The following RAB38 variants were observed in gnomAD, a reference collection of about 807,000 sequenced individuals.
The protein encoded by RAB38 is ras-related protein Rab-38.
RAB38 carries 15 observed loss-of-function variants against 18.4 expected under a neutral mutation model. The ratio of observed to expected loss-of-function variants is 0.82; its 90% confidence interval spans 0.55 to 1.26. RAB38 has a LOEUF of 1.26. Among genes scored for constraint, RAB38 ranks in the 50% most tolerant of loss-of-function variants. RAB38 has a pLI of 0.00. For synonymous variants in RAB38, 101 were observed against 104.4 expected, an observed-to-expected ratio of 0.97 and a Z score of 0.20; for missense variants, 294 against 267.4, an observed-to-expected ratio of 1.10 and a Z score of -0.69.
the RAB38 span, among the ~76,000 whole-genome samples, chr11:87,884,155 A>T: frequency 6.6e-6 from 1 of 151,980 alleles, no homozygotes; most frequent in Non-Finnish European, 1.5e-5. Flanking sequence ...TCTTTAGATT[A>T]GATACCTGTA....
chr11:87,840,233 G>A, the RAB38 span, among the ~76,000 whole-genome samples: 3 of 152,152 alleles, frequency 2.0e-5, no homozygotes, highest in African/African-American at 7.2e-5. Context: ...ACTGCCAGAT[G>A]GCTTACTGAA....
chr11:88,036,421 T>A, the RAB38 span, among the ~76,000 whole-genome samples: 4 of 152,194 alleles, frequency 2.6e-5, no homozygotes, highest in East Asian at 7.7e-4. Context: ...CTAACAAAAA[T>A]TCAAATACAA....
the RAB38 span, among the ~76,000 whole-genome samples, chr11:87,946,376 G>C: frequency 6.6e-6 from 1 of 152,158 alleles, no homozygotes; most frequent in East Asian, 1.9e-4. Flanking sequence ...GAGGCTCTAT[G>C]AGAGCCTCTA....
the RAB38 span, among the ~76,000 whole-genome samples, chr11:88,076,626 A>C: frequency 6.6e-6 from 1 of 152,138 alleles, no homozygotes; most frequent in East Asian, 1.9e-4. Flanking sequence ...CAATATTTTT[A>C]AAAGCAAGAA....
intron 2 of RAB38, among the ~76,000 whole-genome samples, chr11:88,149,323 C>T (rs889900102): frequency 2.6e-5 from 4 of 152,174 alleles, no homozygotes; most frequent in African/African-American, 9.7e-5. Flanking sequence ...AAGGCCTTTA[C>T]TATAAAACCA....
rs556083630 is a variant in RAB38, at chr11:88,137,779, A to G, written c.483+11896T>C. Among the ~76,000 whole-genome samples, 9 of 152,330 alleles carry G rather than the reference A, an allele frequency of 5.9e-5. No homozygotes were observed. The South Asian group carries it at 1.5e-3, about 25-fold the overall frequency. On this transcript the variant is annotated intron_variant, in intron 2 of 2. Transcript: ENST00000243662. ...GACTTTCAGATTACCAGGGGTAAAG[A>G]GATGATTCTAAAAACTACCAGACAA...
the RAB38 span, among the ~76,000 whole-genome samples, chr11:87,947,715 T>TC: frequency 6.6e-6 from 1 of 152,124 alleles, no homozygotes; most frequent in Non-Finnish European, 1.5e-5. Flanking sequence ...GTGGTATTAT[T>TC]TGAGGGCTCT....
intron 2 of RAB38, among the ~76,000 whole-genome samples, chr11:88,118,630 G>C (rs913133058): frequency 5.9e-5 from 9 of 152,138 alleles, no homozygotes; most frequent in Non-Finnish European, 2.9e-5. Context: ...GAAAGGAAAT[G>C]TATATACTCT....
chr11:87,927,587 CCT>C, the RAB38 span, among the ~76,000 whole-genome samples: 2 of 151,900 alleles, frequency 1.3e-5, no homozygotes, highest in Admixed American at 1.3e-4. Context: ...GGGAAATCAC[CCT>C]CTCTCTTTCT....
the RAB38 span, among the ~76,000 whole-genome samples, chr11:87,922,565 GA>G: frequency 2.7e-5 from 4 of 147,698 alleles, no homozygotes; most frequent in African/African-American, 5.1e-5. Flanking sequence ...TTTCTCACCT[GA>G]AAAAAATATA....
At chr11:88,049,806 T>C in the RAB38 span, among the ~76,000 whole-genome samples, 1 of 152,212 alleles carries the variant, frequency 6.6e-6, no homozygotes, top group African/African-American at 2.4e-5. Flanking sequence ...GAGTTTTCCA[T>C]ATTTATAGAA....
At chr11:87,827,446 A>T in the RAB38 span, among the ~76,000 whole-genome samples, 1 of 152,090 alleles carries the variant, frequency 6.6e-6, no homozygotes, top group Non-Finnish European at 1.5e-5. Flanking sequence ...GATTGATCAG[A>T]TTTGTTTAAA....
the RAB38 span, among the ~76,000 whole-genome samples, chr11:88,019,978 T>C: frequency 6.6e-6 from 1 of 152,176 alleles, no homozygotes; most frequent in African/African-American, 2.4e-5. Context: ...GACATACACA[T>C]AGACCAGTGC....
the RAB38 span, among the ~76,000 whole-genome samples, chr11:87,892,405 T>C: frequency 9.2e-5 from 14 of 151,832 alleles, no homozygotes; most frequent in Non-Finnish European, 1.5e-4. Flanking sequence ...TTCTCCTGGG[T>C]GGTTGTAATA....
chr11:87,878,251 CATCTATCTATCT>C, the RAB38 span, among the ~76,000 whole-genome samples: 840 of 103,426 alleles, frequency 8.1e-3, 18 homozygotes, highest in East Asian at 9.0e-3. Context: ...ACACACCTAT[CATCTATCTATCT>C]ATCTATCTAT....
At chr11:88,144,451 T>C (rs1942955482) in intron 2 of RAB38, among the ~76,000 whole-genome samples, 3 of 152,276 alleles carry the variant, frequency 2.0e-5, no homozygotes, top group Non-Finnish European at 2.9e-5. Context: ...TCCCCGAAGA[T>C]AGCAAATGTA....
chr11:88,069,517 G>C, the RAB38 span, among the ~76,000 whole-genome samples: 1 of 152,244 alleles, frequency 6.6e-6, no homozygotes, highest in Non-Finnish European at 1.5e-5. Flanking sequence ...TCCTGAGTGG[G>C]GTGGGGATTT....
the RAB38 span, among the ~76,000 whole-genome samples, chr11:87,848,172 T>C: frequency 6.6e-6 from 1 of 152,160 alleles, no homozygotes; most frequent in African/African-American, 2.4e-5. Flanking sequence ...AAAATTCTTT[T>C]ACCATACAGG....
the RAB38 span, among the ~76,000 whole-genome samples, chr11:87,963,011 A>T: frequency 1.3e-5 from 2 of 152,164 alleles, no homozygotes; most frequent in Non-Finnish European, 2.9e-5. Context: ...TAAAGATGAG[A>T]CTATTGATAT....
Sources: gnomAD v4.1 joint callset for allele counts (sites outside exome capture counted in the v4.1 genomes callset) on GRCh38, gnomAD v4.1.1 for gene constraint, MANE v1.5 for transcripts, NCBI Gene and HGNC (gene_info 2026-07-23, HGNC 2026-07-21) for gene names.